The following TMEM178A variants were observed in gnomAD, a reference collection of about 807,000 sequenced individuals.
TMEM178A encodes transmembrane protein 178A.
TMEM178A carries 12 observed loss-of-function variants against 29.1 expected under a neutral mutation model. The observed-to-expected ratio is 0.41, with a 90% confidence interval of 0.26 to 0.67. The LOEUF is 0.67. Among genes scored for constraint, TMEM178A ranks in the 30% least tolerant of loss-of-function variants. The probability of loss-of-function intolerance (pLI) is 0.29; values close to 1 mark genes in which losing one functional copy is unlikely to be tolerated. For missense variants in TMEM178A, 366 were observed against 419.1 expected (o/e 0.87, Z 1.11); for synonymous variants, 210 against 187.2 (o/e 1.12, Z -0.99).
At chr2:39,696,406 T>C (rs899487529) in intron 1 of TMEM178A, among the ~76,000 whole-genome samples, 1 of 152,182 alleles carries the variant, frequency 6.6e-6, no homozygotes, top group East Asian at 1.9e-4. Flanking sequence ...AAGAGGGAAT[T>C]CATAATCCAT....
intron 1 of TMEM178A, among the ~76,000 whole-genome samples, chr2:39,668,842 C>G (rs1192455452): frequency 5.9e-5 from 9 of 152,108 alleles, no homozygotes; most frequent in Admixed American, 5.9e-4. Flanking sequence ...AATTCTGAGT[C>G]TATGAATAAT....
At chr2:39,712,775 C>T (rs1303898136) in intron 3 of TMEM178A, among the ~76,000 whole-genome samples, 1 of 152,070 alleles carries the variant, frequency 6.6e-6, no homozygotes, top group Non-Finnish European at 1.5e-5. Context: ...GGAGAGGCCA[C>T]CTTTCTCCCC....
chr2:39,682,701 C>T (rs1670918159), intron 1 of TMEM178A, among the ~76,000 whole-genome samples: 1 of 152,114 alleles, frequency 6.6e-6, no homozygotes, highest in South Asian at 2.1e-4. Flanking sequence ...AGTACACTAT[C>T]AAGGTATATG....
rs1230055587 is a variant in TMEM178A, at chr2:39,717,627, A to T, written c.*376A>T. 5.8e-6 allele frequency: 1 copy of T among 171,882 alleles called. No homozygotes were observed. Among genetic ancestry groups the T allele is most frequent in the Non-Finnish European group, 1.3e-5 (1 of 79,302 alleles). 10.6% of individuals were successfully genotyped at this position (171,882 alleles called of 1,614,324 possible). A position where few individuals can be genotyped will look rare whatever the true frequency, so the allele number is the denominator to read the frequency against. On this transcript the variant is annotated 3_prime_UTR_variant, in exon 4 of 4. Coordinates refer to ENST00000281961, the MANE Select transcript of TMEM178A (RefSeq NM_152390.3). ...CAAAAGGATTCGTAACAAAGCGAGT[A>T]TAATTTTCTTGTCATTGTATCATGC... is the stretch of plus-strand genomic sequence containing the variant.
Position 39,717,606 on chromosome 2 carries a change from A to G in TMEM178A, c.*355A>G. On this transcript the variant is annotated 3_prime_UTR_variant, in exon 4 of 4. Transcript: ENST00000281961. ...CCCGAGAGTCATTTCTACTTGCAAA[A>G]GGATTCGTAACAAAGCGAGTATAAT... The G allele has an allele frequency of 5.4e-6, 1 of 184,038 alleles. No individual in the cohort carries two copies. Among genetic ancestry groups the G allele is most frequent in the Admixed American group, 5.4e-5 (1 of 18,380 alleles). The allele number at this position is 184,038 out of a possible 1,614,324, so 11.4% of individuals were successfully genotyped here. A position where few individuals can be genotyped will look rare whatever the true frequency, so the allele number is the denominator to read the frequency against.
At chr2:39,676,710 GGTTCCAGA>G (rs1670640768) in intron 1 of TMEM178A, among the ~76,000 whole-genome samples, 1 of 152,136 alleles carries the variant, frequency 6.6e-6, no homozygotes, top group Non-Finnish European at 1.5e-5. Flanking sequence ...ACGGAAGAGG[GGTTCCAGA>G]GAGCCACACA....
chr2:39,694,454 T>C (rs906779381), intron 1 of TMEM178A, among the ~76,000 whole-genome samples: 1 of 152,190 alleles, frequency 6.6e-6, no homozygotes, highest in African/African-American at 2.4e-5. Flanking sequence ...AGATATAGTA[T>C]GTGGTAGACA....
chr2:39,696,456 T>A (rs1671545268), intron 1 of TMEM178A, among the ~76,000 whole-genome samples: 1 of 152,204 alleles, frequency 6.6e-6, no homozygotes, highest in Non-Finnish European at 1.5e-5. Context: ...CCACACATCC[T>A]ATGCTAAGTC....
At chr2:39,669,142 A>T (rs1572642084) in intron 1 of TMEM178A, among the ~76,000 whole-genome samples, 1 of 152,042 alleles carries the variant, frequency 6.6e-6, no homozygotes, top group East Asian at 1.9e-4. Context: ...CAGATGGGAG[A>T]GTGGGGAGGG....
chr2:39,735,225 G>A, the TMEM178A span, among the ~76,000 whole-genome samples: 20 of 152,090 alleles, frequency 1.3e-4, no homozygotes, highest in South Asian at 4.2e-3. Context: ...TCCTTTATCC[G>A]CAGTATCCAC....
chr2:39,677,547 T>C (rs967589799), intron 1 of TMEM178A, among the ~76,000 whole-genome samples: 1 of 152,150 alleles, frequency 6.6e-6, no homozygotes, highest in Non-Finnish European at 1.5e-5. Context: ...TGTATTGGGC[T>C]TTCATTATCT....
intron 1 of TMEM178A, among the ~76,000 whole-genome samples, chr2:39,702,695 G>T (rs1279091354): frequency 6.7e-6 from 1 of 150,114 alleles, no homozygotes; most frequent in Non-Finnish European, 1.5e-5. Flanking sequence ...AAAGAACTTC[G>T]AATTTTGAGA....
chr2:39,717,268 T>C lies in TMEM178A; in HGVS notation c.*17T>C, dbSNP rs1672588132. On this transcript the variant is annotated 3_prime_UTR_variant, in exon 4 of 4. Coordinates refer to ENST00000281961, the MANE Select transcript of TMEM178A (RefSeq NM_152390.3). ...ACGGTATGACTGTCCTCACTGGGCC[T>C]GTCCACAGTGCGAGCGACTCCTGAG... The C allele has an allele frequency of 1.2e-6, 2 of 1,611,858 alleles. No individual in the cohort carries two copies. Among genetic ancestry groups the C allele is most frequent in the Non-Finnish European group, 1.7e-6 (2 of 1,178,948 alleles).
chr2:39,668,836 C>G (rs1282013225), intron 1 of TMEM178A, among the ~76,000 whole-genome samples: 1 of 152,146 alleles, frequency 6.6e-6, no homozygotes, highest in African/African-American at 2.4e-5. Flanking sequence ...CTTTAAAATT[C>G]TGAGTCTATG....
the TMEM178A span, among the ~76,000 whole-genome samples, chr2:39,725,106 G>A: frequency 5.9e-5 from 9 of 152,220 alleles, no homozygotes; most frequent in East Asian, 1.2e-3. Context: ...ACAGGAGTAG[G>A]GGAATGGTTT....
intron 1 of TMEM178A, among the ~76,000 whole-genome samples, chr2:39,679,492 C>T (rs1000027330): frequency 3.3e-5 from 5 of 151,662 alleles, no homozygotes; most frequent in African/African-American, 9.7e-5. Context: ...GTATAACTAA[C>T]AAAGAGTGCA....
intron 1 of TMEM178A, among the ~76,000 whole-genome samples, chr2:39,670,790 T>A (rs966535057): frequency 6.6e-6 from 1 of 152,122 alleles, no homozygotes; most frequent in Non-Finnish European, 1.5e-5. Flanking sequence ...GAAATTGGAG[T>A]CATAGAAATG....
intron 1 of TMEM178A, among the ~76,000 whole-genome samples, chr2:39,702,851 G>A (rs1316508793): frequency 6.6e-6 from 1 of 152,090 alleles, no homozygotes; most frequent in Non-Finnish European, 1.5e-5. Context: ...CAGCTTCCTG[G>A]CTCCATCTCA....
At chr2:39,734,358 A>G in the TMEM178A span, among the ~76,000 whole-genome samples, 140 of 152,168 alleles carry the variant, frequency 9.2e-4, no homozygotes, top group Non-Finnish European at 1.5e-3. Flanking sequence ...TTTTCTTTCT[A>G]TTTCACTGGT....
Sources: gnomAD v4.1 joint callset for allele counts (sites outside exome capture counted in the v4.1 genomes callset) on GRCh38, gnomAD v4.1.1 for gene constraint, MANE v1.5 for transcripts, NCBI Gene and HGNC (gene_info 2026-07-23, HGNC 2026-07-21) for gene names.